Variants in SLC14A2 observed in about 807,000 individuals in gnomAD.
SLC14A2 encodes the protein solute carrier family 14 member 2.
SLC14A2 carries 91 observed loss-of-function variants against 104.6 expected under a neutral mutation model. The ratio of observed to expected loss-of-function variants is 0.87; its 90% CI spans 0.73 to 1.04. The LOEUF (loss-of-function observed/expected upper bound fraction) is 1.04, where lower values mean the gene tolerates loss of function less well. Ranked by LOEUF, SLC14A2 falls within the 50% of genes least tolerant of loss-of-function variation. The pLI is 0.00. For missense variants in SLC14A2, 1,189 were observed against 1,156.0 expected (o/e 1.03, Z -0.41); for synonymous variants, 476 against 466.4 (o/e 1.02, Z -0.27).
intron 9 of SLC14A2, among the ~76,000 whole-genome samples, 164 bp from the exon 10 acceptor site, chr18:45,643,822 T>G (rs1167690002): frequency 6.6e-6 from 1 of 152,226 alleles, no homozygotes; most frequent in Non-Finnish European, 1.5e-5. Context: ...CAGCCCTAAA[T>G]TCTTTGACCA....
At chr18:45,273,723 G>A (rs956466344) in intron 1 of SLC14A2, among the ~76,000 whole-genome samples, 5 of 152,252 alleles carry the variant, frequency 3.3e-5, no homozygotes, top group Admixed American at 6.5e-5. Flanking sequence ...TAGGCCAACA[G>A]CTTGAAAAAC....
intron 2 of SLC14A2, among the ~76,000 whole-genome samples, chr18:45,505,757 G>A (rs986849251): frequency 3.3e-5 from 5 of 152,128 alleles, no homozygotes; most frequent in African/African-American, 1.2e-4. Context: ...TGCCTTTTCT[G>A]TTATTTTTGG....
At chr18:45,363,649 G>A (rs1471626271) in intron 1 of SLC14A2, among the ~76,000 whole-genome samples, 3 of 152,174 alleles carry the variant, frequency 2.0e-5, no homozygotes, top group East Asian at 1.9e-4. Context: ...CAATGAGGCC[G>A]TGCTTAGAAG....
At chr18:45,341,507 C>T (rs1438174886) in intron 1 of SLC14A2, among the ~76,000 whole-genome samples, 1 of 151,254 alleles carries the variant, frequency 6.6e-6, no homozygotes, top group Non-Finnish European at 1.5e-5. Context: ...TTTGGTGCCA[C>T]ACATGTTCTC....
At chr18:45,316,874 T>C (rs1334299646) in intron 1 of SLC14A2, among the ~76,000 whole-genome samples, 2 of 152,204 alleles carry the variant, frequency 1.3e-5, no homozygotes, top group African/African-American at 4.8e-5. Flanking sequence ...CTCTGTGCTC[T>C]CCTCCCAAGG....
chr18:45,545,792 T>C (rs1032324311), intron 2 of SLC14A2, among the ~76,000 whole-genome samples: 3 of 152,218 alleles, frequency 2.0e-5, no homozygotes, highest in Non-Finnish European at 2.9e-5. Context: ...CTGACTCTAG[T>C]TTAATTGTGC....
At chr18:45,471,072 T>C (rs1253056437) in intron 1 of SLC14A2, among the ~76,000 whole-genome samples, 2 of 152,170 alleles carry the variant, frequency 1.3e-5, no homozygotes, top group African/African-American at 4.8e-5. Context: ...TTCTACTGAT[T>C]AGTTAAATTT....
chr18:45,663,737 G>A (rs767499155), intron 10 of SLC14A2, 48 bp from the exon 11 acceptor site: 1 of 1,589,974 alleles, frequency 6.3e-7, no homozygotes, highest in South Asian at 1.1e-5. Context: ...GCTCTCTCAG[G>A]TGCGGACTAG....
At chr18:45,220,716 G>T (rs991707965) in intron 1 of SLC14A2, among the ~76,000 whole-genome samples, 4 of 152,184 alleles carry the variant, frequency 2.6e-5, no homozygotes, top group Admixed American at 2.0e-4. Flanking sequence ...AACCAAAAAG[G>T]GAAATGTTAG....
intron 1 of SLC14A2, among the ~76,000 whole-genome samples, chr18:45,462,907 A>G (rs2087071242): frequency 6.6e-6 from 1 of 152,244 alleles, no homozygotes; most frequent in African/African-American, 2.4e-5. Context: ...AGCACTCAAT[A>G]TATGGCCTCT....
chr18:45,481,816 G>A (rs890575941), intron 1 of SLC14A2, among the ~76,000 whole-genome samples: 1 of 152,182 alleles, frequency 6.6e-6, no homozygotes, highest in Non-Finnish European at 1.5e-5. Flanking sequence ...TGAAAGATAA[G>A]AATAACAATT....
upstream of SLC14A2, chr18:45,614,815 T>C (rs931013537): frequency 4.1e-5 from 6 of 147,492 alleles, no homozygotes; most frequent in Admixed American, 4.0e-4. Context: ...TTTTTTTTTT[T>C]TGAGACACAG....
chr18:45,673,113 G>T (rs1221277941), intron 17 of SLC14A2, 66 bp downstream of exon 17: 3 of 1,464,628 alleles, frequency 2.0e-6, no homozygotes, highest in Non-Finnish European at 2.8e-6. Flanking sequence ...AAATAAAATG[G>T]TGACTCTCAT....
chr18:45,273,355 C>G (rs537631098), intron 1 of SLC14A2, among the ~76,000 whole-genome samples: 1 of 152,248 alleles, frequency 6.6e-6, no homozygotes, highest in East Asian at 1.9e-4. Context: ...ATCCCTGAAC[C>G]ATTCACTGTA....
At chr18:45,253,610 G>A (rs2084445913) in intron 1 of SLC14A2, among the ~76,000 whole-genome samples, 1 of 151,786 alleles carries the variant, frequency 6.6e-6, no homozygotes, top group African/African-American at 2.4e-5. Flanking sequence ...GCAGCTGTTA[G>A]GAGGATAATC....
At chr18:45,625,531 C>T (rs544667254) in intron 2 of SLC14A2, 152 bp from the exon 3 acceptor site, 4 of 546,444 alleles carry the variant, frequency 7.3e-6, no homozygotes, top group South Asian at 6.3e-5. Flanking sequence ...GTACGGGGCA[C>T]TCTATGCAGC....
intron 2 of SLC14A2, among the ~76,000 whole-genome samples, chr18:45,511,778 C>A (rs1238196722): frequency 6.6e-6 from 1 of 152,200 alleles, no homozygotes; most frequent in Non-Finnish European, 1.5e-5. Context: ...TCAAGTACTG[C>A]TCCCTGGAAG....
intron 18 of SLC14A2, among the ~76,000 whole-genome samples, chr18:45,674,805 G>C (rs1417364550): frequency 6.6e-6 from 1 of 152,188 alleles, no homozygotes; most frequent in African/African-American, 2.4e-5. Flanking sequence ...AGGGAGACAC[G>C]TGGGATGCAA....
intron 2 of SLC14A2, among the ~76,000 whole-genome samples, chr18:45,546,269 C>T (rs1477126764): frequency 1.3e-5 from 2 of 152,212 alleles, no homozygotes; most frequent in African/African-American, 4.8e-5. Flanking sequence ...TTAGAACGAA[C>T]TCCTAGAAGA....
Sources: allele counts gnomAD v4.1 joint callset (sites outside exome capture counted in the v4.1 genomes callset), GRCh38; gene constraint gnomAD v4.1.1; transcripts MANE v1.5; gene names NCBI Gene and HGNC (gene_info 2026-07-23, HGNC 2026-07-21).